RSL1D1: variants seen among roughly 807,000 people sequenced by gnomAD.
RSL1D1 encodes ribosomal L1 domain containing 1, also known as ribosomal L1 domain-containing protein 1.
Under a neutral mutation model 44.6 loss-of-function variants are expected in RSL1D1, and 34 were observed. The observed-to-expected ratio is 0.76, with a 90% CI of 0.58 to 1.02. The LOEUF is 1.02. Among genes scored for constraint, RSL1D1 ranks in the 50% least tolerant of loss-of-function variants. The probability of loss-of-function intolerance (pLI) is 0.00; values close to 1 mark genes in which losing one functional copy is unlikely to be tolerated. For synonymous variants in RSL1D1, 271 were observed against 207.4 expected (o/e 1.31, Z -2.63); for missense variants, 767 against 568.1 (o/e 1.35, Z -3.56).
intron 7 of RSL1D1, among the ~76,000 whole-genome samples, chr16:11,840,770 A>T (rs1337866898): frequency 6.6e-6 from 1 of 152,146 alleles, no homozygotes; most frequent in Non-Finnish European, 1.5e-5. Context: ...AAATACGTGC[A>T]CATTAGGTGA....
chr16:11,844,167 C>T (rs1287625488), intron 5 of RSL1D1, among the ~76,000 whole-genome samples: 1 of 152,030 alleles, frequency 6.6e-6, no homozygotes, highest in Non-Finnish European at 1.5e-5. Context: ...TGCAAGCACA[C>T]CTGAGCATCC....
intron 5 of RSL1D1, among the ~76,000 whole-genome samples, chr16:11,844,747 G>A (rs185743646): frequency 2.1e-4 from 32 of 152,314 alleles, no homozygotes; most frequent in Non-Finnish European, 2.9e-5. Context: ...GAAGGGCAGT[G>A]GCCTACAGCT....
chr16:11,836,258 CTTTT>C lies in RSL1D1; in HGVS notation c.*1525_*1528del, dbSNP rs2053717125. On this transcript the variant is annotated 3_prime_UTR_variant, in exon 9 of 9. Transcript: ENST00000571133. ...TGGTCCTACTTCTCTCTCAAACTGT[CTTTT>C]TCTCAATCCTTTGACTCCACTGGAC... The C allele has an allele frequency of 6.6e-6, 1 of 152,198 alleles. No homozygotes were observed. Among genetic ancestry groups the C allele is most frequent in the African/African-American group, 2.4e-5 (1 of 41,450 alleles). The allele number at this position is 152,198 out of a possible 1,614,324, so 9.4% of individuals were successfully genotyped here. A position where few individuals can be genotyped will look rare whatever the true frequency, so the allele number is the denominator to read the frequency against.
At position 11,835,711 on chromosome 16, in the gene RSL1D1, C is replaced by A. The variant is rs2053711480; in HGVS notation, c.*2076G>T. On this transcript the variant is annotated 3_prime_UTR_variant, in exon 9 of 9. Coordinates refer to ENST00000571133, the MANE Select transcript of RSL1D1 (RefSeq NM_015659.3). ...ATATTGCCCAGGATGGTCTCGAACT[C>A]CTGGGTTCAAGCAATCCACCCAGCG... The A allele has an allele frequency of 6.6e-6, 1 of 152,268 alleles. No homozygotes were observed. The highest frequency in any genetic ancestry group is 1.5e-5 in the Non-Finnish European group (1 of 68,124). 9.4% of individuals were successfully genotyped at this position (152,268 alleles called of 1,614,324 possible).
In RSL1D1 at chr16:11,837,952, T is replaced by C; in HGVS notation, c.1308A>G (p.Glu436=). The C allele has an allele frequency of 6.2e-7, 1 of 1,614,128 alleles. No individual in the cohort carries two copies. The highest frequency in any genetic ancestry group is 8.5e-7 in the Non-Finnish European group (1 of 1,180,022). Reference sequence around the variant, plus strand: ...AAGGACTTTTTTCCTTCACTGCCTCTTCTTTGATTTTTGGCTTCTTCTCTG... The same window carrying C: ...AAGGACTTTTTTCCTTCACTGCCTCCTCTTTGATTTTTGGCTTCTTCTCTG... ...KSPEKKPKIK[E]EAVKEKSPSL... is the part of the protein sequence containing the mutation. The change falls in exon 9 of 9, where the codon GAA becomes GAG. Residue 436 remains glutamate (E), a synonymous_variant. Transcript: ENST00000571133.
chr16:11,848,913 G>A (rs776146075), intron 2 of RSL1D1, among the ~76,000 whole-genome samples: 3 of 151,912 alleles, frequency 2.0e-5, no homozygotes, highest in African/African-American at 4.8e-5. Context: ...AAACAGCTGG[G>A]ATTACAGACG....
intron 5 of RSL1D1, among the ~76,000 whole-genome samples, chr16:11,843,078 C>T (rs1027465487): frequency 6.6e-6 from 1 of 151,320 alleles, no homozygotes; most frequent in African/African-American, 2.4e-5. Flanking sequence ...TGCGCCACCA[C>T]GCCCGGCTAA....
chr16:11,846,790 G>T lies in RSL1D1; in HGVS notation c.438C>A (p.Leu146=). 1 of 1,613,362 alleles carries T rather than the reference G, an allele frequency of 6.2e-7. No individual in the cohort carries two copies. Among genetic ancestry groups the T allele is most frequent in the Non-Finnish European group, 8.5e-7 (1 of 1,179,420 alleles). ...AGAAATCAAAACTGCTCAGAAGGCG[G>T]AGCTTGGCTTCATAGGATTTATATT... ...KKEYKSYEAK[L]RLLSSFDFFL... The change falls in exon 4 of 9, where the codon CTC becomes CTA. Residue 146 remains leucine (L), a synonymous_variant. Transcript: ENST00000571133.
At chr16:11,841,565 C>G in intron 7 of RSL1D1, 130 bp downstream of exon 7, 1 of 836,330 alleles carries the variant, frequency 1.2e-6, no homozygotes, top group Non-Finnish European at 1.8e-6. Flanking sequence ...TGTAAAGTGA[C>G]AAAAGCACAA....
At position 11,834,471 on chromosome 16, in the gene RSL1D1, T is replaced by C. The variant is rs1340470027; in HGVS notation, c.*3316A>G. The C allele has an allele frequency of 6.6e-6, 1 of 152,216 alleles. No individual in the cohort carries two copies. The highest frequency in any genetic ancestry group is 1.5e-5 in the Non-Finnish European group (1 of 68,022). 9.4% of individuals were successfully genotyped at this position (152,216 alleles called of 1,614,324 possible). On this transcript the variant is annotated 3_prime_UTR_variant, in exon 9 of 9. Coordinates refer to ENST00000571133, the MANE Select transcript of RSL1D1 (RefSeq NM_015659.3). ...TGTGTCATGTTCAACAAGACTGAACTACGGAGCAAAGAATCACACAGTGTT... is the reference window on the plus strand; with the variant it reads ...TGTGTCATGTTCAACAAGACTGAACCACGGAGCAAAGAATCACACAGTGTT...
Position 11,836,787 on chromosome 16 carries a change from C to T in RSL1D1, c.*1000G>A, listed in dbSNP as rs2053723310. The T allele has an allele frequency of 1.3e-5, 2 of 152,156 alleles. No individual in the cohort carries two copies. Among genetic ancestry groups the T allele is most frequent in the South Asian group, 4.1e-4 (2 of 4,824 alleles). 9.4% of individuals were successfully genotyped at this position (152,156 alleles called of 1,614,324 possible). On this transcript the variant is annotated 3_prime_UTR_variant, in exon 9 of 9. Transcript: ENST00000571133. ...GAAAGCCAAGAAACTTCTGTTTCTC[C>T]TAAATTCCGTAGCCGACTCTCATAC...
intron 5 of RSL1D1, among the ~76,000 whole-genome samples, chr16:11,845,887 A>ACAC (rs2053794093): frequency 3.3e-5 from 5 of 151,358 alleles, no homozygotes; most frequent in African/African-American, 1.2e-4. Flanking sequence ...ACACCTGACT[A>ACAC]ATGTTCTTGA....
rs1407550416 is a variant in RSL1D1 at position 11,837,914 on chromosome 16, T to G, written c.1346A>C (p.Lys449Thr). Residue 449 changes from lysine to threonine, a missense_variant, in exon 9 of 9, where the codon AAA becomes ACA. Transcript: ENST00000571133. ...VKEKSPSLGKKDARQTPKKPE... is the reference protein window; with the variant it reads ...VKEKSPSLGKTDARQTPKKPE... ...CTTTTTTGGAGTCTGTCTCGCATCT[T>G]TTTTCCCCAGCGAAGGACTTTTTTC... 2 of 1,614,084 alleles carry G rather than the reference T, an allele frequency of 1.2e-6. No homozygotes were observed. The highest frequency in any genetic ancestry group is 2.2e-5 in the South Asian group (2 of 91,084).
intron 2 of RSL1D1, 60 bp from the exon 3 acceptor site, chr16:11,847,866 T>C (rs1447618206): frequency 1.3e-6 from 2 of 1,519,136 alleles, no homozygotes; most frequent in African/African-American, 1.4e-5. Context: ...TGCATGTTTG[T>C]ATCACACAGA....
intron 6 of RSL1D1, 23 bp downstream of exon 6, chr16:11,841,884 T>C (rs1403263801): frequency 6.2e-7 from 1 of 1,611,594 alleles, no homozygotes; most frequent in South Asian, 1.1e-5. Flanking sequence ...GAACAATCAA[T>C]TGATGCACCT....
At chr16:11,839,609 TC>T in intron 8 of RSL1D1, 85 bp downstream of exon 8, 5 of 1,526,364 alleles carry the variant, frequency 3.3e-6, no homozygotes, top group Non-Finnish European at 4.4e-6. Flanking sequence ...CTAGTATTTT[TC>T]ATCATTTATT....
Position 11,851,304 on chromosome 16 carries a change from G to T in RSL1D1, c.105+104C>A, listed in dbSNP as rs78278399. On this transcript the variant is annotated intron_variant, in intron 1 of 8. Coordinates refer to ENST00000571133, the MANE Select transcript of RSL1D1 (RefSeq NM_015659.3). ...ACGGCCCGCCAGCGACCGTCCCACA[G>T]CCCCGGGGAAGTCCGCCGAGCACGC... The T allele has an allele frequency of 0.047, 51,104 of 1,087,844 alleles. 3,990 individuals are homozygous for T. The highest frequency in any genetic ancestry group is 0.26 in the Admixed American group (15,123 of 58,132). The allele number at this position is 1,087,844 out of a possible 1,614,324, so 67.4% of individuals were successfully genotyped here.
At chr16:11,842,513 C>G (rs1454378335) in intron 5 of RSL1D1, among the ~76,000 whole-genome samples, 4 of 151,824 alleles carry the variant, frequency 2.6e-5, no homozygotes, top group African/African-American at 9.7e-5. Context: ...GCTGGGACTA[C>G]AGGTCACCCA....
chr16:11,839,366 CA>C (rs1304630201), intron 8 of RSL1D1, among the ~76,000 whole-genome samples: 1 of 80,158 alleles, frequency 1.2e-5, no homozygotes, highest in Admixed American at 1.7e-4. Flanking sequence ...ACTCCATCTT[CA>C]AAAAAAAGCA....
Sources: gnomAD v4.1 joint callset for allele counts (sites outside exome capture counted in the v4.1 genomes callset) on GRCh38, gnomAD v4.1.1 for gene constraint, MANE v1.5 for transcripts, NCBI Gene and HGNC (gene_info 2026-07-23, HGNC 2026-07-21) for gene names.